The following TRIB3 variants were observed in gnomAD, a reference collection of about 807,000 sequenced individuals.
The protein encoded by TRIB3 is tribbles pseudokinase 3, also known as tribbles homolog 3.
In TRIB3, 20 loss-of-function variants were observed where a neutral mutation model predicts 16.6. The observed-to-expected ratio is 1.20, with a 90% CI of 0.85 to 1.75. TRIB3 has a LOEUF of 1.75. Among genes scored for constraint, TRIB3 ranks in the 40% most tolerant of loss-of-function variants. The pLI is 0.00. For missense variants in TRIB3, 484 were observed against 488.9 expected (o/e 0.99, Z 0.10); for synonymous variants, 208 against 217.0 (o/e 0.96, Z 0.36).
chr20:392,304 C>T (rs1318598361), intron 3 of TRIB3, among the ~76,000 whole-genome samples: 1 of 152,102 alleles, frequency 6.6e-6, no homozygotes, highest in African/African-American at 2.4e-5. Context: ...GAGCCTGGGT[C>T]TTAATTCAAT....
In TRIB3 at chr20:381,043, C is replaced by T. The variant is rs544979348; in HGVS notation, c.-127C>T. On this transcript the variant is annotated 5_prime_UTR_variant, in exon 1 of 4. Coordinates refer to ENST00000217233, the MANE Select transcript of TRIB3 (RefSeq NM_021158.5). ...TCCGCGCGCGTCCGCTGCTAGGACC[C>T]GGGCAGGGCTGGAGCTGGGCTGGGA... 2 of 150,030 alleles carry T rather than the reference C, an allele frequency of 1.3e-5. No homozygotes were observed. Among genetic ancestry groups the T allele is most frequent in the South Asian group, 2.1e-4 (1 of 4,684 alleles). 9.3% of individuals were successfully genotyped at this position (150,030 alleles called of 1,614,324 possible).
intron 1 of TRIB3, chr20:385,549 A>G (rs938118829): frequency 2.0e-5 from 3 of 151,874 alleles, no homozygotes; most frequent in African/African-American, 7.3e-5. Context: ...AGCGGCATCA[A>G]CTTCACCTGG....
rs771686115 is a variant in TRIB3, at chr20:391,454, T to C, written c.459T>C (p.Arg153=). The change falls in exon 3 of 4, where the codon CGT becomes CGC. Residue 153 remains arginine (R), a synonymous_variant. Coordinates refer to ENST00000217233, the MANE Select transcript of TRIB3 (RefSeq NM_021158.5). ...ACAGCCTGGTGCGAAGCCGCCACCGTATCCCTGAGCCTGAGGCTGCCGTGC... is the reference window on the plus strand; with the variant it reads ...ACAGCCTGGTGCGAAGCCGCCACCGCATCCCTGAGCCTGAGGCTGCCGTGC... ...DMHSLVRSRH[R]IPEPEAAVLF... is the part of the protein sequence containing the mutation. 15 of 1,613,892 alleles carry C rather than the reference T, an allele frequency of 9.3e-6. No homozygotes were observed. The highest frequency in any genetic ancestry group is 1.3e-5 in the Non-Finnish European group (15 of 1,179,984).
At chr20:391,001 CAAAAAAAAAA>C (rs11374668) in intron 2 of TRIB3, among the ~76,000 whole-genome samples, 1 of 85,780 alleles carries the variant, frequency 1.2e-5, no homozygotes, top group Admixed American at 1.3e-4. Context: ...GACTCCGTCT[CAAAAAAAAAA>C]AAAAAAAAAA....
chr20:386,641 C>G (rs977771457), intron 1 of TRIB3, among the ~76,000 whole-genome samples: 1 of 151,858 alleles, frequency 6.6e-6, no homozygotes, highest in African/African-American at 2.4e-5. Context: ...GGTGTGATCT[C>G]AGCTCACTGC....
chr20:395,757 A>G (rs1037780664), intron 3 of TRIB3, among the ~76,000 whole-genome samples: 3 of 152,148 alleles, frequency 2.0e-5, no homozygotes, highest in Non-Finnish European at 4.4e-5. Context: ...AGCTGGGTCA[A>G]GGGCCAGGAA....
intron 1 of TRIB3, among the ~76,000 whole-genome samples, chr20:385,212 A>G (rs1405312700): frequency 6.6e-6 from 1 of 152,144 alleles, no homozygotes; most frequent in Non-Finnish European, 1.5e-5. Flanking sequence ...TCCTGGGTTC[A>G]AGCAACTCTC....
chr20:395,295 G>A (rs983051799), intron 3 of TRIB3, among the ~76,000 whole-genome samples: 2 of 151,926 alleles, frequency 1.3e-5, no homozygotes, highest in Non-Finnish European at 2.9e-5. Flanking sequence ...CCAAGTAGCT[G>A]GGACTACAGG....
rs200711201 is a variant in TRIB3, at chr20:388,144, C to T, written c.134C>T (p.Pro45Leu). The change falls in exon 2 of 4, where the codon CCC becomes CTC. Residue 45 changes from proline (P) to leucine (L), a missense_variant. Pro to Leu is a moderately conservative substitution (Grantham distance 98). Transcript: ENST00000217233. ...AGTGGGCCCCAGCCCAGACTGCCCC[C>T]CTGCCTGTTGCCCCTGAGCCCACCT... is the stretch of plus-strand genomic sequence containing the variant. ...ARSGPQPRLP[P>L]CLLPLSPPTA... 4 of 1,614,136 alleles carry T rather than the reference C, an allele frequency of 2.5e-6. No individual in the cohort carries two copies. Among genetic ancestry groups the T allele is most frequent in the South Asian group, 1.1e-5 (1 of 91,088 alleles).
In TRIB3 at chr20:396,864, T is replaced by G; in HGVS notation, c.*174T>G. Reference sequence around the variant, plus strand: ...TCTGCTTTGTTCCACACACATGCAGTTCCTGCTTGGGTGCTTATCAGGTGC... The same window carrying G: ...TCTGCTTTGTTCCACACACATGCAGGTCCTGCTTGGGTGCTTATCAGGTGC... On this transcript the variant is annotated 3_prime_UTR_variant, in exon 4 of 4. Transcript: ENST00000217233. 1 of 991,974 alleles carries G rather than the reference T, an allele frequency of 1.0e-6. No individual in the cohort carries two copies. The highest frequency in any genetic ancestry group is 1.4e-6 in the Non-Finnish European group (1 of 702,380). 61.4% of individuals were successfully genotyped at this position (991,974 alleles called of 1,614,324 possible).
Position 396,820 on chromosome 20 carries a change from G to C in TRIB3, c.*130G>C, listed in dbSNP as rs1771716298. ...AAGGGAGAAAGGCAGAAGCCTGTGT[G>C]GAGTGTGCTGTGTACACATCTGCTT... is the stretch of plus-strand genomic sequence containing the variant. On this transcript the variant is annotated 3_prime_UTR_variant, in exon 4 of 4. Transcript: ENST00000217233. The C allele has an allele frequency of 1.5e-6, 2 of 1,374,052 alleles. No homozygotes were observed. Among genetic ancestry groups the C allele is most frequent in the Admixed American group, 2.4e-5 (1 of 41,710 alleles). 85.1% of individuals were successfully genotyped at this position (1,374,052 alleles called of 1,614,324 possible).
At chr20:382,772 G>A (rs915229611) in intron 1 of TRIB3, 5 of 650,640 alleles carry the variant, frequency 7.7e-6, no homozygotes, top group Non-Finnish European at 1.4e-5. Flanking sequence ...GCTAGAAAGG[G>A]TTTGAGACAG....
At chr20:396,090 A>G in intron 3 of TRIB3, 108 bp from the exon 4 acceptor site, 1 of 1,491,896 alleles carries the variant, frequency 6.7e-7, no homozygotes, top group Non-Finnish European at 9.0e-7. Context: ...GTGTCTGTCA[A>G]AGGCCAGCAG....
intron 3 of TRIB3, among the ~76,000 whole-genome samples, chr20:395,464 C>A (rs913031455): frequency 6.6e-5 from 10 of 150,592 alleles, no homozygotes; most frequent in Admixed American, 5.9e-4. Context: ...CCCAGCCTTA[C>A]ACACTTTTTT....
intron 1 of TRIB3, chr20:382,524 G>C: frequency 6.5e-7 from 1 of 1,535,488 alleles, no homozygotes; most frequent in East Asian, 2.4e-5. Flanking sequence ...CGAACCTGGG[G>C]AGCTTTCTAA....
rs752856987 is a variant in TRIB3 at position 391,345 on chromosome 20, A to G, written c.350A>G (p.His117Arg). The stretch of plus-strand genomic sequence containing the variant: ...GAGCCCTATGCGCGGCTGCCCCCGC[A>G]CAAGCATGTGGCTCGGCCCACTGAG... ...VLEPYARLPP[H>R]KHVARPTEVL... The change falls in exon 3 of 4, where the codon CAC becomes CGC. Residue 117 changes from histidine to arginine, a missense_variant. By Grantham distance (29) the His-to-Arg change is conservative. Transcript: ENST00000217233. The G allele has an allele frequency of 2.5e-6, 4 of 1,613,450 alleles. No homozygotes were observed. The South Asian group carries it at 3.3e-5, about 13-fold the overall frequency.
intron 2 of TRIB3, 75 bp from the exon 3 acceptor site, chr20:391,212 A>G: frequency 2.0e-6 from 3 of 1,506,312 alleles, no homozygotes. Flanking sequence ...CTAATAGGTC[A>G]GCTGTGACTG....
At chr20:394,951 G>C (rs2015085356) in intron 3 of TRIB3, among the ~76,000 whole-genome samples, 1 of 152,084 alleles carries the variant, frequency 6.6e-6, no homozygotes, top group Non-Finnish European at 1.5e-5. Flanking sequence ...TTCTTCATCT[G>C]TAAAATGGGC....
intron 2 of TRIB3, among the ~76,000 whole-genome samples, chr20:390,590 C>A (rs2014944522): frequency 6.6e-6 from 1 of 152,148 alleles, no homozygotes; most frequent in Non-Finnish European, 1.5e-5. Context: ...GCATCAGGTG[C>A]CTTCTGCATC....
Sources: gnomAD v4.1 joint callset for allele counts (sites outside exome capture counted in the v4.1 genomes callset) on GRCh38, gnomAD v4.1.1 for gene constraint, MANE v1.5 for transcripts, NCBI Gene and HGNC (gene_info 2026-07-23, HGNC 2026-07-21) for gene names.